EPHA7: variants seen among roughly 807,000 people sequenced by gnomAD.
EPHA7 encodes the protein ephrin type-A receptor 7.
A neutral mutation model predicts 112.6 loss-of-function variants in EPHA7; 25 were observed. That is an observed-to-expected ratio of 0.22 (90% CI 0.16 to 0.31). The LOEUF (loss-of-function observed/expected upper bound fraction) is 0.31. Among genes scored for constraint, EPHA7 ranks in the 10% least tolerant of loss-of-function variants. The probability of loss-of-function intolerance (pLI) is 1.00; values close to 1 mark genes in which losing one functional copy is unlikely to be tolerated. For synonymous variants in EPHA7, 437 were observed against 406.5 expected (o/e 1.07, Z -0.90); for missense variants, 962 against 1,212.6 (o/e 0.79, Z 3.07).
intron 5 of EPHA7, among the ~76,000 whole-genome samples, chr6:93,326,133 G>T (rs1774307834): frequency 6.6e-6 from 1 of 151,338 alleles, no homozygotes; most frequent in Admixed American, 6.6e-5. Flanking sequence ...GAACGCTAAA[G>T]AATTATGCCG....
chr6:93,359,426 C>A (rs1776129912), intron 3 of EPHA7, among the ~76,000 whole-genome samples: 1 of 144,770 alleles, frequency 6.9e-6, no homozygotes, highest in Admixed American at 6.7e-5. Context: ...AAATAAACAT[C>A]TACTTAAATT....
intron 2 of EPHA7, among the ~76,000 whole-genome samples, chr6:93,411,635 G>A (rs969378281): frequency 7.2e-5 from 11 of 151,914 alleles, no homozygotes; most frequent in African/African-American, 1.9e-4. Context: ...AAATGCCCAC[G>A]GTATTCTGAA....
chr6:93,255,911 T>A lies in EPHA7; in HGVS notation c.2299A>T (p.Asn767Tyr). The change falls in exon 13 of 17, where the codon AAC (asparagine) becomes TAC (tyrosine). Residue 767 changes from asparagine to tyrosine, a missense_variant. Coordinates refer to ENST00000369303, the MANE Select transcript of EPHA7 (RefSeq NM_004440.4). The stretch of plus-strand genomic sequence containing the variant: ...GACACTTTACAAACGAGATTGCTGT[T>A]GACAAGAATATTGCGAGCTGCAAGG... ...RDLAARNILV[N>Y]SNLVCKVSDF... 1 of 1,614,142 alleles carries A rather than the reference T, an allele frequency of 6.2e-7. No individual in the cohort carries two copies. Among genetic ancestry groups the A allele is most frequent in the Non-Finnish European group, 8.5e-7 (1 of 1,180,004 alleles).
At chr6:93,266,301 A>G (rs1289791048) in intron 7 of EPHA7, among the ~76,000 whole-genome samples, 6 of 151,794 alleles carry the variant, frequency 4.0e-5, no homozygotes, top group Non-Finnish European at 7.4e-5. Flanking sequence ...AATTCTTTCC[A>G]TTCAACCGAT....
intron 5 of EPHA7, among the ~76,000 whole-genome samples, chr6:93,313,820 T>G (rs1773657265): frequency 6.6e-6 from 1 of 151,984 alleles, no homozygotes; most frequent in Non-Finnish European, 1.5e-5. Flanking sequence ...AGGACCAGAC[T>G]AAGGAAGGTG....
intron 3 of EPHA7, among the ~76,000 whole-genome samples, chr6:93,374,882 A>G (rs1243882528): frequency 6.6e-6 from 1 of 152,240 alleles, no homozygotes; most frequent in African/African-American, 2.4e-5. Flanking sequence ...ATATCAGTTA[A>G]TATTATCATC....
chr6:93,245,308 T>C lies in EPHA7; in HGVS notation c.2872A>G (p.Met958Val). The C allele has an allele frequency of 6.2e-7, 1 of 1,612,908 alleles. No homozygotes were observed. Among genetic ancestry groups the C allele is most frequent in the Non-Finnish European group, 8.5e-7 (1 of 1,179,752 alleles). Residue 958 changes from methionine (M) to valine (V), a missense_variant, in exon 16 of 17, where the codon ATG (methionine) becomes GTG (valine). By Grantham distance (21) the Met-to-Val change is conservative (BLOSUM62 1). This residue lies in a region of EPHA7 where 746 missense variants were observed against 889.2 expected (regional missense o/e 0.84). Transcript: ENST00000369303. Reference sequence around the variant, plus strand: ...AGAGTTTAAGCTTACTCAATAGTCATCCTGGCTACTGATTCAAGGGAATTG... The same window carrying C: ...AGAGTTTAAGCTTACTCAATAGTCACCCTGGCTACTGATTCAAGGGAATTG... ...GYNSLESVAR[M>V]TIEDVMSLGI... is the part of the protein sequence containing the mutation.
intron 5 of EPHA7, among the ~76,000 whole-genome samples, chr6:93,352,563 T>A (rs1163523630): frequency 1.3e-5 from 2 of 152,148 alleles, no homozygotes; most frequent in Non-Finnish European, 2.9e-5. Flanking sequence ...CCCAATGTTG[T>A]TCTACAACAT....
chr6:93,397,411 T>C (rs1254064903), intron 3 of EPHA7, among the ~76,000 whole-genome samples: 1 of 151,976 alleles, frequency 6.6e-6, no homozygotes, highest in African/African-American at 2.4e-5. Context: ...ACCCAGTTTT[T>C]CTTTAAATCA....
intron 4 of EPHA7, among the ~76,000 whole-genome samples, 196 bp from the exon 5 acceptor site, chr6:93,357,248 T>A (rs1775995382): frequency 6.6e-6 from 1 of 152,174 alleles, no homozygotes; most frequent in Admixed American, 6.5e-5. Context: ...CTCCTTGAAT[T>A]CACTTGGCAA....
At chr6:93,373,216 A>C (rs1441667427) in intron 3 of EPHA7, among the ~76,000 whole-genome samples, 1 of 151,954 alleles carries the variant, frequency 6.6e-6, no homozygotes, top group Non-Finnish European at 1.5e-5. Flanking sequence ...ATTTAATTTT[A>C]TTAAAATAAT....
At chr6:93,367,677 C>T (rs1157738800) in intron 3 of EPHA7, among the ~76,000 whole-genome samples, 1 of 151,956 alleles carries the variant, frequency 6.6e-6, no homozygotes, top group Non-Finnish European at 1.5e-5. Context: ...ACTGTGTGGT[C>T]TTTACAAATT....
intron 13 of EPHA7, among the ~76,000 whole-genome samples, chr6:93,255,072 T>C (rs1156382354): frequency 2.0e-5 from 3 of 151,966 alleles, no homozygotes; most frequent in Non-Finnish European, 4.4e-5. Flanking sequence ...GGCTGGGTGC[T>C]GTGGCTCACA....
At chr6:93,314,655 T>C (rs1773706677) in intron 5 of EPHA7, among the ~76,000 whole-genome samples, 2 of 152,036 alleles carry the variant, frequency 1.3e-5, no homozygotes, top group Non-Finnish European at 2.9e-5. Flanking sequence ...TGTGGGAATA[T>C]AAAAAAATCA....
At chr6:93,353,379 C>A (rs980704246) in intron 5 of EPHA7, among the ~76,000 whole-genome samples, 3 of 152,014 alleles carry the variant, frequency 2.0e-5, no homozygotes, top group African/African-American at 7.2e-5. Context: ...CTTTTCAATA[C>A]AAATCTATCT....
chr6:93,272,169 G>A, intron 6 of EPHA7, 129 bp downstream of exon 6: 1 of 958,646 alleles, frequency 1.0e-6, no homozygotes, highest in Admixed American at 2.1e-5. Flanking sequence ...ATTATAAATG[G>A]CTAAAATTAA....
chr6:93,376,926 G>A (rs1777088990), intron 3 of EPHA7, among the ~76,000 whole-genome samples: 1 of 152,134 alleles, frequency 6.6e-6, no homozygotes, highest in African/African-American at 2.4e-5. Flanking sequence ...ATTCCTGGAA[G>A]TATCTGAAAG....
chr6:93,289,340 A>G lies in EPHA7; in HGVS notation c.1325-16918T>C, dbSNP rs117529205. On this transcript the variant is annotated intron_variant, in intron 5 of 16. Coordinates refer to ENST00000369303, the MANE Select transcript of EPHA7 (RefSeq NM_004440.4). The stretch of plus-strand genomic sequence containing the variant: ...AATAATTTTTTTGATAATTTTTAAT[A>G]TATCACTAAGAAATTTTGATAACAA... Among the ~76,000 whole-genome samples, 380 of 152,318 alleles carry G rather than the reference A, an allele frequency of 2.5e-3. 17 individuals are homozygous for G. The East Asian group carries it at 0.067, about 27-fold the overall frequency.
At chr6:93,315,151 C>G (rs573211869) in intron 5 of EPHA7, among the ~76,000 whole-genome samples, 2 of 150,252 alleles carry the variant, frequency 1.3e-5, no homozygotes, top group African/African-American at 2.5e-5. Context: ...CGTGAGCCAC[C>G]GCGCCTGGCC....
Sources: allele counts gnomAD v4.1 joint callset (sites outside exome capture counted in the v4.1 genomes callset), GRCh38; gene constraint gnomAD v4.1.1; regional missense constraint gnomAD v4.1.1; transcripts MANE v1.5; gene names NCBI Gene and HGNC (gene_info 2026-07-23, HGNC 2026-07-21).